The following DPYD variants were observed in gnomAD, a reference collection of about 807,000 sequenced individuals.
DPYD encodes dihydropyrimidine dehydrogenase, also known as dihydropyrimidine dehydrogenase [NADP(+)].
A neutral mutation model predicts 116.2 loss-of-function variants in DPYD; 109 were observed. That is an observed-to-expected ratio of 0.94 (90% CI 0.80 to 1.10). The LOEUF (loss-of-function observed/expected upper bound fraction) is 1.10. Ranked by LOEUF, DPYD falls within the 50% of genes least tolerant of loss-of-function variation. The pLI is 0.00. For synonymous variants in DPYD, 440 were observed against 432.0 expected (o/e 1.02, Z -0.23); for missense variants, 1,302 against 1,254.5 (o/e 1.04, Z -0.57).
rs1176259603 is a variant in DPYD, at chr1:97,445,243, G to A, written c.1905+4816C>T. 2.0e-5 allele frequency among the ~76,000 whole-genome samples: 3 copies of A among 152,296 alleles called. 1 individual carries two copies. Among genetic ancestry groups the A allele is most frequent in the South Asian group, 4.1e-4 (2 of 4,820 alleles). On this transcript the variant is annotated intron_variant, in intron 14 of 22. Transcript: ENST00000370192. ...TCCTAATAAGGGACTACAAACCATCGACTGGTTCTGCCCAGTTTACAGAGG... is the reference window on the plus strand; with the variant it reads ...TCCTAATAAGGGACTACAAACCATCAACTGGTTCTGCCCAGTTTACAGAGG...
At chr1:97,203,364 G>A (rs1659342053) in intron 19 of DPYD, among the ~76,000 whole-genome samples, 1 of 151,738 alleles carries the variant, frequency 6.6e-6, no homozygotes, top group Admixed American at 6.6e-5. Flanking sequence ...GGGAAAACTT[G>A]ATTTATCATA....
chr1:97,231,592 A>C (rs893328996), intron 19 of DPYD, among the ~76,000 whole-genome samples: 3 of 152,094 alleles, frequency 2.0e-5, no homozygotes, highest in African/African-American at 7.2e-5. Flanking sequence ...CCCATGATTT[A>C]ACTACCTCCC....
At chr1:97,665,622 A>C (rs1407484547) in intron 8 of DPYD, among the ~76,000 whole-genome samples, 1 of 152,324 alleles carries the variant, frequency 6.6e-6, no homozygotes, top group East Asian at 1.9e-4. Flanking sequence ...TAAATGAAGA[A>C]AAATCACAAA....
intron 8 of DPYD, among the ~76,000 whole-genome samples, chr1:97,662,034 G>A (rs1293377655): frequency 4.1e-5 from 5 of 120,732 alleles, no homozygotes; most frequent in East Asian, 5.1e-4. Context: ...TCGCTCCGTC[G>A]CCCAGGCTGG....
At chr1:97,390,668 T>A (rs918457342) in intron 14 of DPYD, among the ~76,000 whole-genome samples, 3 of 151,976 alleles carry the variant, frequency 2.0e-5, no homozygotes, top group Non-Finnish European at 4.4e-5. Flanking sequence ...TGGTTTATTT[T>A]GGGGCTGACA....
At chr1:97,515,607 G>A in intron 13 of DPYD, 119 bp downstream of exon 13, 1 of 877,486 alleles carries the variant, frequency 1.1e-6, no homozygotes, top group East Asian at 2.7e-5. Context: ...GTAATGATAG[G>A]TCTTGTCAAA....
intron 20 of DPYD, among the ~76,000 whole-genome samples, chr1:97,150,522 G>T (rs2101717072): frequency 6.6e-6 from 1 of 152,298 alleles, no homozygotes; most frequent in East Asian, 1.9e-4. Flanking sequence ...TGGGCAACCA[G>T]AACTATAATA....
intron 4 of DPYD, among the ~76,000 whole-genome samples, chr1:97,725,462 A>T (rs1663198274): frequency 1.3e-5 from 2 of 151,612 alleles, no homozygotes; most frequent in Admixed American, 1.3e-4. Context: ...CCTAAAATTC[A>T]TAGGAAAATC....
chr1:97,208,085 CA>C (rs1659770584), intron 19 of DPYD, among the ~76,000 whole-genome samples: 1 of 152,070 alleles, frequency 6.6e-6, no homozygotes, highest in Non-Finnish European at 1.5e-5. Flanking sequence ...GGAATGTAGC[CA>C]GGAGTGTTTA....
chr1:97,307,572 A>G (rs1191701413), intron 16 of DPYD, among the ~76,000 whole-genome samples: 1 of 151,874 alleles, frequency 6.6e-6, no homozygotes. Flanking sequence ...TATCATCTCT[A>G]TTAAGCAAAA....
At chr1:97,832,175 C>A (rs4246514) in intron 2 of DPYD, among the ~76,000 whole-genome samples, 1 of 151,208 alleles carries the variant, frequency 6.6e-6, no homozygotes, top group Non-Finnish European at 1.5e-5. Context: ...ATCTGCATGA[C>A]AACCATATGT....
intron 2 of DPYD, among the ~76,000 whole-genome samples, chr1:97,875,015 C>G (rs992210305): frequency 1.3e-5 from 2 of 151,632 alleles, no homozygotes; most frequent in Non-Finnish European, 2.9e-5. Flanking sequence ...TGGCAAGTAC[C>G]ACAATGACAT....
intron 5 of DPYD, chr1:97,700,153 A>G (rs1159166223): frequency 2.2e-6 from 1 of 450,488 alleles, no homozygotes; most frequent in Non-Finnish European, 4.5e-6. Flanking sequence ...AAGTGACCAG[A>G]AGTCACTTTT....
chr1:97,456,428 C>T (rs528209410), intron 13 of DPYD, among the ~76,000 whole-genome samples: 34 of 152,126 alleles, frequency 2.2e-4, no homozygotes, highest in African/African-American at 7.0e-4. Context: ...TTCTTTCTGT[C>T]TCTCCACAGA....
At chr1:97,709,415 C>A (rs1662160824) in intron 5 of DPYD, among the ~76,000 whole-genome samples, 1 of 151,394 alleles carries the variant, frequency 6.6e-6, no homozygotes, top group African/African-American at 2.4e-5. Context: ...TTTAATTTTA[C>A]TTTTTAAATT....
At chr1:97,666,493 GT>G (rs147039972) in intron 8 of DPYD, among the ~76,000 whole-genome samples, 1 of 151,510 alleles carries the variant, frequency 6.6e-6, no homozygotes, top group East Asian at 1.9e-4. Context: ...GTGTGTGTGT[GT>G]TTTTTTTCTT....
At chr1:97,322,700 C>A (rs774706713) in intron 16 of DPYD, 1 of 151,934 alleles carries the variant, frequency 6.6e-6, no homozygotes, top group Admixed American at 6.6e-5. Flanking sequence ...CTATTTTAAT[C>A]TTTCAGGTGT....
chr1:97,690,290 C>T lies in DPYD; in HGVS notation c.762+1427G>A, dbSNP rs553313686. 1.5e-3 allele frequency among the ~76,000 whole-genome samples: 226 copies of T among 152,018 alleles called. 1 individual carries two copies. Among genetic ancestry groups the T allele is most frequent in the African/African-American group, 5.3e-3 (219 of 41,542 alleles). On this transcript the variant is annotated intron_variant, in intron 7 of 22. Transcript: ENST00000370192. ...ATATTTCTTGGCACTCAGTATATTGCCTACTACTGCACCTTGATGAGTTTT... is the reference window on the plus strand; with the variant it reads ...ATATTTCTTGGCACTCAGTATATTGTCTACTACTGCACCTTGATGAGTTTT...
chr1:97,630,245 T>A (rs1657174129), intron 8 of DPYD, among the ~76,000 whole-genome samples: 1 of 152,144 alleles, frequency 6.6e-6, no homozygotes, highest in Non-Finnish European at 1.5e-5. Flanking sequence ...GGACATTTTT[T>A]ATATTTTGCC....
Sources: gnomAD v4.1 joint callset for allele counts (sites outside exome capture counted in the v4.1 genomes callset) on GRCh38, gnomAD v4.1.1 for gene constraint, MANE v1.5 for transcripts, NCBI Gene and HGNC (gene_info 2026-07-23, HGNC 2026-07-21) for gene names.